The following NALF1 variants were observed in gnomAD, a reference collection of about 807,000 sequenced individuals.
NALF1 encodes NALCN channel auxiliary factor 1.
Under a neutral mutation model 48.4 loss-of-function variants are expected in NALF1, and 3 were observed. The observed-to-expected ratio is 0.06, with a 90% CI of 0.03 to 0.16. NALF1 has a LOEUF of 0.16. Ranked by LOEUF, NALF1 falls within the 10% of genes least tolerant of loss-of-function variation. The pLI is 1.00. For missense variants in NALF1, 526 were observed against 571.5 expected, an observed-to-expected ratio of 0.92 and a Z score of 0.81; for synonymous variants, 262 against 245.7, an observed-to-expected ratio of 1.07 and a Z score of -0.62.
intron 1 of NALF1, among the ~76,000 whole-genome samples, chr13:107,831,544 CAT>C (rs892878042): frequency 4.0e-5 from 6 of 151,838 alleles, no homozygotes; most frequent in African/African-American, 1.5e-4. Flanking sequence ...AAAAAAAAGA[CAT>C]GTTCTAAAAT....
intron 2 of NALF1, among the ~76,000 whole-genome samples, chr13:107,191,308 AT>A (rs1879273903): frequency 3.3e-5 from 5 of 152,222 alleles, no homozygotes; most frequent in Non-Finnish European, 7.3e-5. Context: ...AAATAACAAA[AT>A]TAGTGATTTT....
At chr13:107,553,618 T>C (rs564897150) in intron 1 of NALF1, among the ~76,000 whole-genome samples, 5 of 152,352 alleles carry the variant, frequency 3.3e-5, no homozygotes, top group East Asian at 1.9e-4. Flanking sequence ...TGAATTGTCA[T>C]ATCAATAAAA....
In NALF1 at chr13:107,865,936, A is replaced by T. The variant is rs746042010; in HGVS notation, c.661T>A (p.Phe221Ile). 1.9e-6 allele frequency: 3 copies of T among 1,613,828 alleles called. No homozygotes were observed. The highest frequency in any genetic ancestry group is 3.3e-5 in the Admixed American group (2 of 59,990). ...HPTPLWNLSD[F>I]YLSFCNSYTL... ...TAGGAATTACAAAACGAAAGGTAAA[A>T]ATCCGACAAGTTCCAGAGCGGAGTG... Residue 221 changes from phenylalanine to isoleucine, a missense_variant, in exon 1 of 3, where the codon TTT becomes ATT. Around this residue, in one of 2 missense-constraint regions of NALF1, gnomAD observed 373 missense variants for 355.5 expected, o/e 1.05. Coordinates refer to ENST00000375915, the MANE Select transcript of NALF1 (RefSeq NM_001080396.3).
chr13:107,821,312 G>A (rs1383456327), intron 1 of NALF1, among the ~76,000 whole-genome samples: 3 of 152,264 alleles, frequency 2.0e-5, no homozygotes, highest in East Asian at 3.9e-4. Context: ...CACGTACAGC[G>A]ACTTAGCATC....
intron 1 of NALF1, among the ~76,000 whole-genome samples, chr13:107,776,855 C>T (rs762953763): frequency 1.3e-5 from 2 of 152,126 alleles, no homozygotes; most frequent in Non-Finnish European, 2.9e-5. Context: ...CTTTGGGAGG[C>T]CCAGGCAGGA....
intron 1 of NALF1, among the ~76,000 whole-genome samples, chr13:107,752,038 T>C (rs1354515318): frequency 6.6e-6 from 1 of 151,984 alleles, no homozygotes; most frequent in African/African-American, 2.4e-5. Flanking sequence ...AAAACATTAA[T>C]ATATGGGGGA....
At chr13:107,725,016 A>G (rs919761769) in intron 1 of NALF1, among the ~76,000 whole-genome samples, 3 of 152,258 alleles carry the variant, frequency 2.0e-5, no homozygotes, top group Non-Finnish European at 2.9e-5. Flanking sequence ...ATAGAAGTTA[A>G]TAGATAATTT....
intron 1 of NALF1, among the ~76,000 whole-genome samples, chr13:107,502,251 TCCAAAAGGGAC>T (rs1004032644): frequency 2.0e-5 from 3 of 152,302 alleles, no homozygotes; most frequent in South Asian, 4.1e-4. Context: ...TATGTTTTAT[TCCAAAAGGGAC>T]TTTTAAGAGA....
At chr13:107,749,773 T>G (rs1241215345) in intron 1 of NALF1, among the ~76,000 whole-genome samples, 2 of 152,038 alleles carry the variant, frequency 1.3e-5, no homozygotes, top group African/African-American at 2.4e-5. Flanking sequence ...TATGAAATTA[T>G]TTTTTACTGT....
At chr13:107,520,496 A>T (rs1460469028) in intron 1 of NALF1, among the ~76,000 whole-genome samples, 1 of 152,252 alleles carries the variant, frequency 6.6e-6, no homozygotes, top group Admixed American at 6.5e-5. Context: ...TTTGACATAA[A>T]TTGGAAAGCA....
rs141187605 is a variant in NALF1 at position 107,553,146 on chromosome 13, A to G, written c.915+312536T>C. On this transcript the variant is annotated intron_variant, in intron 1 of 2. Transcript: ENST00000375915. The stretch of plus-strand genomic sequence containing the variant: ...AAAGCTGAAATGGTTTGCAGAGGAA[A>G]TTCTACCTAAAGTTTAAAGATAAGT... Among the ~76,000 whole-genome samples, 380 of 152,318 alleles carry G rather than the reference A, an allele frequency of 2.5e-3. 3 individuals are homozygous for G. The highest frequency in any genetic ancestry group is 8.3e-3 in the African/African-American group (346 of 41,568).
chr13:107,491,977 G>C (rs549235273), intron 1 of NALF1, among the ~76,000 whole-genome samples: 9 of 150,856 alleles, frequency 6.0e-5, no homozygotes, highest in Admixed American at 6.6e-5. Flanking sequence ...TATCTTTTAA[G>C]GCACTCTGGT....
intron 1 of NALF1, among the ~76,000 whole-genome samples, chr13:107,593,850 T>C (rs932853008): frequency 1.3e-5 from 2 of 151,866 alleles, no homozygotes; most frequent in Non-Finnish European, 2.9e-5. Context: ...GAAACTTGTA[T>C]TTGTTTAGAG....
intron 1 of NALF1, among the ~76,000 whole-genome samples, chr13:107,447,635 G>C (rs986285946): frequency 6.6e-5 from 10 of 152,150 alleles, no homozygotes; most frequent in Admixed American, 1.3e-4. Flanking sequence ...TTCACAGTGA[G>C]GAAGCAGGCA....
At chr13:107,487,645 C>A (rs1042371818) in intron 1 of NALF1, among the ~76,000 whole-genome samples, 21 of 152,078 alleles carry the variant, frequency 1.4e-4, no homozygotes, top group Admixed American at 1.3e-3. Context: ...GATCATGGTG[C>A]ATAAGCTTTT....
intron 1 of NALF1, among the ~76,000 whole-genome samples, chr13:107,760,811 C>T (rs1367214047): frequency 6.6e-6 from 1 of 152,170 alleles, no homozygotes; most frequent in African/African-American, 2.4e-5. Flanking sequence ...CAATTATACC[C>T]CATTTCCTTG....
intron 1 of NALF1, among the ~76,000 whole-genome samples, chr13:107,661,235 C>G (rs942244477): frequency 2.6e-5 from 4 of 152,146 alleles, no homozygotes; most frequent in Non-Finnish European, 5.9e-5. Context: ...CCAGCCACCC[C>G]ACACTTGCCT....
chr13:107,387,045 C>T (rs1883543044), intron 1 of NALF1, among the ~76,000 whole-genome samples: 1 of 152,132 alleles, frequency 6.6e-6, no homozygotes, highest in Non-Finnish European at 1.5e-5. Context: ...AAACACAAAC[C>T]TTTCCCAAAA....
rs58345595 is a variant in NALF1, at chr13:107,696,551, AGTGTGTGTGTGT to A, written c.915+169119_915+169130del. On this transcript the variant is annotated intron_variant, in intron 1 of 2. Coordinates refer to ENST00000375915, the MANE Select transcript of NALF1 (RefSeq NM_001080396.3). The stretch of plus-strand genomic sequence containing the variant: ...TGAAGTACTTAACATCTCCAAGTTG[AGTGTGTGTGTGT>A]GTGTGTGTGTGTGTGTGTGTGTGTG... 2.1e-4 allele frequency among the ~76,000 whole-genome samples: 31 copies of A among 146,922 alleles called. No individual in the cohort carries two copies. In the East Asian group the frequency reaches 2.8e-3, roughly 13 times the overall value.
Sources: gnomAD v4.1 joint callset for allele counts (sites outside exome capture counted in the v4.1 genomes callset) on GRCh38, gnomAD v4.1.1 for gene constraint, gnomAD v4.1.1 regional missense constraint, MANE v1.5 for transcripts, NCBI Gene and HGNC (gene_info 2026-07-23, HGNC 2026-07-21) for gene names.